Variants in AMER1 observed in about 807,000 individuals in gnomAD.
AMER1 encodes APC membrane recruitment protein 1, also known as RP11-403E24.2.
AMER1 carries 16 observed loss-of-function variants against 53.0 expected under a neutral mutation model. The observed-to-expected ratio is 0.30, with a 90% CI of 0.20 to 0.46. The LOEUF (loss-of-function observed/expected upper bound fraction) is 0.46. Among genes scored for constraint, AMER1 ranks in the 20% least tolerant of loss-of-function variants. AMER1 has a pLI of 1.00. For synonymous variants in AMER1, 354 were observed against 331.9 expected (o/e 1.07, Z -0.73); for missense variants, 947 against 884.9 (o/e 1.07, Z -0.89).
chrX:64,190,072 A>G lies in AMER1; in HGVS notation c.3215T>C (p.Leu1072Pro), dbSNP rs1275105010. The G allele has an allele frequency of 8.3e-7, 1 of 1,205,181 alleles. No individual in the cohort carries two copies. The highest frequency in any genetic ancestry group is 1.1e-6 in the Non-Finnish European group (1 of 891,861). The change falls in exon 2 of 2, where the codon CTA becomes CCA. Residue 1072 changes from leucine to proline, a missense_variant. Coordinates refer to ENST00000374869, the MANE Select transcript of AMER1 (RefSeq NM_152424.4). ...SSSGGFSPSP[L>P]PQAKPVGITH... Reference sequence around the variant, plus strand: ...GATGCCCACAGGCTTGGCCTGTGGTAGAGGGCTGGGGCTGAAGCCTCCAGA... The same window carrying G: ...GATGCCCACAGGCTTGGCCTGTGGTGGAGGGCTGGGGCTGAAGCCTCCAGA...
intron 1 of AMER1, among the ~76,000 whole-genome samples, chrX:64,204,039 T>A (rs1015119818): frequency 1.5e-4 from 17 of 111,429 alleles, no homozygotes; most frequent in African/African-American, 5.6e-4. Flanking sequence ...ACACCAGAGG[T>A]TAATCAAAGG....
chrX:64,202,731 C>T (rs992807945), intron 1 of AMER1, among the ~76,000 whole-genome samples: 1 of 112,112 alleles, frequency 8.9e-6, no homozygotes, highest in Non-Finnish European at 1.9e-5. Context: ...TCTTAACTGG[C>T]TGACTTTGCA....
chrX:64,202,006 T>G (rs755980896), intron 1 of AMER1, among the ~76,000 whole-genome samples: 1 of 111,170 alleles, frequency 9.0e-6, no homozygotes, highest in Non-Finnish European at 1.9e-5. Flanking sequence ...CTGGCTAAAT[T>G]TTTGTATTTT....
rs955608589 is a variant in AMER1 at position 64,185,665 on chromosome X, C to T, written c.*4214G>A. The T allele has an allele frequency of 5.6e-6, 1 of 177,743 alleles. No individual in the cohort carries two copies. The highest frequency in any genetic ancestry group is 2.6e-4 in the South Asian group (1 of 3,881). The allele number at this position is 177,743 out of a possible 1,213,427, so 14.6% of individuals were successfully genotyped here. On this transcript the variant is annotated 3_prime_UTR_variant, in exon 2 of 2. Transcript: ENST00000374869. ...AGTACCATCCACGTGTGAGCTGGAG[C>T]AGGGCAGGGGAGGGGGAATGGTGGT...
intron 1 of AMER1, among the ~76,000 whole-genome samples, chrX:64,203,260 C>G (rs1930528648): frequency 8.9e-6 from 1 of 111,734 alleles, no homozygotes; most frequent in Admixed American, 9.5e-5. Flanking sequence ...CATCCCCCTT[C>G]TAATCCATCC....
At position 64,192,147 on chromosome X, in the gene AMER1, C is replaced by T. The variant is rs1930262183; in HGVS notation, c.1140G>A (p.Glu380=). The change falls in exon 2 of 2, where the codon GAG becomes GAA. Residue 380 remains glutamate, a synonymous_variant. Coordinates refer to ENST00000374869, the MANE Select transcript of AMER1 (RefSeq NM_152424.4). ...EEMALPDDDD[E]EEEEEEEVEL... ...CCACCTCTTCTTCCTCTTCTTCCTC[C>T]TCGTCATCATCATCTGGCAAGGCCA... is the stretch of plus-strand genomic sequence containing the variant. 2 of 1,211,001 alleles carry T rather than the reference C, an allele frequency of 1.7e-6. No individual in the cohort carries two copies. The highest frequency in any genetic ancestry group is 3.5e-5 in the South Asian group (2 of 56,928).
Position 64,189,688 on chromosome X carries a change from T to C in AMER1, c.*191A>G. On this transcript the variant is annotated 3_prime_UTR_variant, in exon 2 of 2. Transcript: ENST00000374869. ...CAGCAGCCTCCCTGGGCAGATGCAC[T>C]TGAGTTGAACGTGGCCATAGATGGC... is the stretch of plus-strand genomic sequence containing the variant. 2 of 1,086,099 alleles carry C rather than the reference T, an allele frequency of 1.8e-6. No homozygotes were observed. The highest frequency in any genetic ancestry group is 1.2e-6 in the Non-Finnish European group (1 of 837,983). 89.5% of individuals were successfully genotyped at this position (1,086,099 alleles called of 1,213,427 possible). A position where few individuals can be genotyped will look rare whatever the true frequency, so the allele number is the denominator to read the frequency against.
rs750271277 is a variant in AMER1 at position 64,192,731 on chromosome X, C to G, written c.556G>C (p.Gly186Arg). 19 of 1,199,537 alleles carry G rather than the reference C, an allele frequency of 1.6e-5. 1 individual carries two copies. The highest frequency in any genetic ancestry group is 2.3e-4 in the Middle Eastern group (1 of 4,267). Reference protein sequence around the residue: ...IRRHRKSKVTGAEQSEPGAKG... With the variant: ...IRRHRKSKVTRAEQSEPGAKG... ...GCCCCTGGCTCACTTTGCTCAGCCC[C>G]AGTGACCTTGCTCTTCCGGTGACGG... is the stretch of plus-strand genomic sequence containing the variant. The change falls in exon 2 of 2, where the codon GGG becomes CGG. Residue 186 changes from glycine (G) to arginine (R), a missense_variant. Transcript: ENST00000374869.
At position 64,202,904 on chromosome X, in the gene AMER1, C is replaced by T. The variant is rs149686948; in HGVS notation, c.-99+2666G>A. On this transcript the variant is annotated intron_variant, in intron 1 of 1. Coordinates refer to ENST00000374869, the MANE Select transcript of AMER1 (RefSeq NM_152424.4). ...ATCAGATTTCCATTCCACAGCCTGG[C>T]ATCCGGGAAACCCCATCACTGAGCC... Among the ~76,000 whole-genome samples, 23 of 112,059 alleles carry T rather than the reference C, an allele frequency of 2.1e-4. No homozygotes were observed. The East Asian group carries it at 5.9e-3, about 29-fold the overall frequency.
chrX:64,194,834 G>A (rs978161776), intron 1 of AMER1, among the ~76,000 whole-genome samples: 1 of 111,734 alleles, frequency 8.9e-6, no homozygotes, highest in Non-Finnish European at 1.9e-5. Context: ...CTCTAGCCTT[G>A]GAGCCCCTGG....
In AMER1 at chrX:64,187,359, G is replaced by A. The variant is rs1476324059; in HGVS notation, c.*2520C>T. The A allele has an allele frequency of 6.3e-6, 5 of 792,973 alleles. No individual in the cohort carries two copies. The East Asian group carries it at 2.3e-4, about 37-fold the overall frequency. The allele number at this position is 792,973 out of a possible 1,213,427, so 65.3% of individuals were successfully genotyped here. ...GCTAGGGCAGTGAAGGGACTTGCAG[G>A]CAGCAAGGCTGTCCAAACCATGAAC... On this transcript the variant is annotated 3_prime_UTR_variant, in exon 2 of 2. Coordinates refer to ENST00000374869, the MANE Select transcript of AMER1 (RefSeq NM_152424.4).
At chrX:64,198,507 T>C (rs1444574640) in intron 1 of AMER1, among the ~76,000 whole-genome samples, 3 of 111,636 alleles carry the variant, frequency 2.7e-5, no homozygotes, top group Non-Finnish European at 3.8e-5. Context: ...CCCAGAACTG[T>C]TGAGTCTCAA....
intron 1 of AMER1, among the ~76,000 whole-genome samples, chrX:64,200,458 C>T (rs1055836488): frequency 3.6e-5 from 4 of 112,059 alleles, no homozygotes; most frequent in Non-Finnish European, 7.5e-5. Flanking sequence ...GAGTGTGATT[C>T]GAGGAAGAAC....
At chrX:64,196,203 G>A (rs1006941476) in intron 1 of AMER1, among the ~76,000 whole-genome samples, 5 of 111,573 alleles carry the variant, frequency 4.5e-5, no homozygotes, top group African/African-American at 1.6e-4. Flanking sequence ...AAGGAGCCAT[G>A]GACCACAGGG....
intron 1 of AMER1, among the ~76,000 whole-genome samples, chrX:64,194,510 G>A (rs1930326139): frequency 9.0e-6 from 1 of 111,584 alleles, no homozygotes; most frequent in South Asian, 3.8e-4. Context: ...CTGCACCTCT[G>A]GTCATCCGCT....
At position 64,191,611 on chromosome X, in the gene AMER1, T is replaced by C. The variant is rs2147087698; in HGVS notation, c.1676A>G (p.Glu559Gly). ...CTGTTTCTGGATGGTCACTAGCCGT[T>C]CTTCCTCTGTCTCCATTGCCCCAGG... ...RPPGAMETEE[E>G]RLVTIQKQLL... The change falls in exon 2 of 2, where the codon GAA becomes GGA. Residue 559 changes from glutamate (E) to glycine (G), a missense_variant. Coordinates refer to ENST00000374869, the MANE Select transcript of AMER1 (RefSeq NM_152424.4). The C allele has an allele frequency of 8.2e-7, 1 of 1,212,327 alleles. No homozygotes were observed. Among genetic ancestry groups the C allele is most frequent in the Non-Finnish European group, 1.1e-6 (1 of 895,635 alleles).
At chrX:64,201,387 T>A (rs1930485203) in intron 1 of AMER1, among the ~76,000 whole-genome samples, 1 of 108,195 alleles carries the variant, frequency 9.2e-6, no homozygotes, top group Admixed American at 9.9e-5. Flanking sequence ...GCCTATGAAA[T>A]CTCCAATAGA....
chrX:64,189,793 A>AGGGGGGC lies in AMER1; in HGVS notation c.*85_*86insGCCCCCC. On this transcript the variant is annotated 3_prime_UTR_variant, in exon 2 of 2. Transcript: ENST00000374869. ...CAAAGGGTTTTCAAGTTAAACAACA[A>AGGGGGGC]CCCCCACCCCCCCACCCTTCTGCCC... is the stretch of plus-strand genomic sequence containing the variant. The AGGGGGGC allele has an allele frequency of 1.7e-5, 5 of 292,043 alleles. No homozygotes were observed. The highest frequency in any genetic ancestry group is 1.7e-4 in the East Asian group (1 of 5,962). The allele number at this position is 292,043 out of a possible 1,213,427, so 24.1% of individuals were successfully genotyped here.
Position 64,193,294 on chromosome X carries a change from G to C in AMER1, c.-8C>G, listed in dbSNP as rs1930300495. ...ATCCTTTTGGGTCTCCATGATGATG[G>C]GGACAACTGAGGTACGTCCAGCTGG... On this transcript the variant is annotated 5_prime_UTR_variant, in exon 2 of 2. Transcript: ENST00000374869. 8.3e-7 allele frequency: 1 copy of C among 1,209,568 alleles called. No homozygotes were observed. The highest frequency in any genetic ancestry group is 1.1e-6 in the Non-Finnish European group (1 of 895,245).
Sources: gnomAD v4.1 joint callset for allele counts (sites outside exome capture counted in the v4.1 genomes callset) on GRCh38, gnomAD v4.1.1 for gene constraint, MANE v1.5 for transcripts, NCBI Gene and HGNC (gene_info 2026-07-23, HGNC 2026-07-21) for gene names.